The following SORBS2 variants were observed in gnomAD, a reference collection of about 807,000 sequenced individuals.
The protein encoded by SORBS2 is sorbin and SH3 domain containing 2, also known as sorbin and SH3 domain-containing protein 2.
In SORBS2, 46 loss-of-function variants were observed where a neutral mutation model predicts 97.7. The observed-to-expected ratio is 0.47, with a 90% CI of 0.37 to 0.60. The LOEUF is 0.60. SORBS2 is among the 20% of genes least tolerant of loss of function. SORBS2 has a pLI of 0.00. For missense variants in SORBS2, 1,316 were observed against 1,282.3 expected, an observed-to-expected ratio of 1.03 and a Z score of -0.40; for synonymous variants, 476 against 473.4, an observed-to-expected ratio of 1.01 and a Z score of -0.07.
chr4:185,951,799 G>A (rs1344698169), intron 1 of SORBS2, among the ~76,000 whole-genome samples: 2 of 152,312 alleles, frequency 1.3e-5, no homozygotes, highest in African/African-American at 2.4e-5. Context: ...GTAGCTCAGT[G>A]TGCATGCATC....
chr4:185,954,281 A>G (rs2099278577), intron 1 of SORBS2, among the ~76,000 whole-genome samples: 1 of 152,238 alleles, frequency 6.6e-6, no homozygotes, highest in African/African-American at 2.4e-5. Context: ...CCTTTTAAAC[A>G]TAGAAATAAG....
At chr4:185,766,429 T>C (rs1043209642) in intron 2 of SORBS2, among the ~76,000 whole-genome samples, 1 of 152,190 alleles carries the variant, frequency 6.6e-6, no homozygotes, top group African/African-American at 2.4e-5. Context: ...AATACTCTTA[T>C]GGTAAAAAAG....
intron 1 of SORBS2, among the ~76,000 whole-genome samples, chr4:185,907,780 C>T (rs184425305): frequency 7.9e-5 from 12 of 152,210 alleles, no homozygotes; most frequent in East Asian, 7.7e-4. Context: ...CCTTCCTGTG[C>T]GTGTATTTAA....
intron 1 of SORBS2, among the ~76,000 whole-genome samples, chr4:185,937,133 G>A (rs190647978): frequency 1.3e-5 from 2 of 152,232 alleles, no homozygotes; most frequent in East Asian, 1.9e-4. Flanking sequence ...GCTTGAACCC[G>A]ATTTTAAGGA....
chr4:185,817,973 A>G (rs1191150036), intron 1 of SORBS2, among the ~76,000 whole-genome samples: 3 of 152,210 alleles, frequency 2.0e-5, no homozygotes, highest in East Asian at 1.9e-4. Context: ...TTAGGATCCA[A>G]CGGTCCAACA....
At chr4:185,844,659 C>A (rs1234128993) in intron 1 of SORBS2, among the ~76,000 whole-genome samples, 2 of 152,168 alleles carry the variant, frequency 1.3e-5, no homozygotes, top group Admixed American at 1.3e-4. Context: ...TACACCGATG[C>A]TCACAGCGGC....
At chr4:185,782,106 C>A (rs141279134) in intron 1 of SORBS2, among the ~76,000 whole-genome samples, 272 of 152,360 alleles carry the variant, frequency 1.8e-3, no homozygotes, top group African/African-American at 6.0e-3. Context: ...TAAATAAGTT[C>A]TGCCGAAGGC....
intron 1 of SORBS2, among the ~76,000 whole-genome samples, chr4:185,898,733 AG>A (rs1470447775): frequency 1.3e-5 from 2 of 152,240 alleles, no homozygotes; most frequent in African/African-American, 4.8e-5. Flanking sequence ...GCGTCAGTTT[AG>A]CAGGAGGTAA....
At chr4:185,853,981 G>A (rs2099219353) in intron 1 of SORBS2, among the ~76,000 whole-genome samples, 1 of 152,214 alleles carries the variant, frequency 6.6e-6, no homozygotes, top group Non-Finnish European at 1.5e-5. Flanking sequence ...TTTAAGAATA[G>A]TCTCTGAAAT....
chr4:185,869,039 T>C (rs2099228922), intron 1 of SORBS2, among the ~76,000 whole-genome samples: 1 of 152,198 alleles, frequency 6.6e-6, no homozygotes, highest in Non-Finnish European at 1.5e-5. Flanking sequence ...AACTTGCCTT[T>C]GGTGGTGAGC....
Position 185,634,101 on chromosome 4 carries a change from T to C in SORBS2, c.397-3503A>G, listed in dbSNP as rs141737748. Among the ~76,000 whole-genome samples, 1,130 of 152,352 alleles carry C rather than the reference T, an allele frequency of 7.4e-3. 7 individuals are homozygous for C. The highest frequency in any genetic ancestry group is 0.014 in the Middle Eastern group (4 of 294). ...AACTGAATTCAATAACCCAGAATGT[T>C]CCTGATTACTCTATTTTACCTTTTA... On this transcript the variant is annotated intron_variant, in intron 4 of 14. Transcript: ENST00000418609.
chr4:185,740,114 A>C (rs550890315), intron 2 of SORBS2: 1 of 152,744 alleles, frequency 6.5e-6, no homozygotes, highest in South Asian at 2.1e-4. Context: ...AATACCCTTC[A>C]TTTGCTGCAA....
chr4:185,625,795 C>G (rs945890479), intron 6 of SORBS2, among the ~76,000 whole-genome samples: 1 of 152,252 alleles, frequency 6.6e-6, no homozygotes, highest in Non-Finnish European at 1.5e-5. Context: ...CATCCACCTA[C>G]TCAGAGTCCA....
chr4:185,597,412 G>A (rs1171824721), intron 12 of SORBS2, among the ~76,000 whole-genome samples: 1 of 152,020 alleles, frequency 6.6e-6, no homozygotes, highest in Non-Finnish European at 1.5e-5. Context: ...ATTCTCATGT[G>A]TCTCGGTCAC....
intron 3 of SORBS2, 59 bp downstream of exon 12, chr4:185,649,408 A>C: frequency 7.3e-7 from 1 of 1,370,224 alleles, no homozygotes; most frequent in Admixed American, 2.6e-5. Context: ...ACTGAATGCC[A>C]TGTAGACTTA....
intron 4 of SORBS2, among the ~76,000 whole-genome samples, chr4:185,669,861 G>A (rs766712221): frequency 4.9e-4 from 74 of 152,176 alleles, no homozygotes; most frequent in Non-Finnish European, 9.0e-4. Flanking sequence ...GAATAGACAT[G>A]TTTGACAATT....
At chr4:185,936,674 A>C (rs2099269105) in intron 1 of SORBS2, among the ~76,000 whole-genome samples, 1 of 152,146 alleles carries the variant, frequency 6.6e-6, no homozygotes, top group African/African-American at 2.4e-5. Flanking sequence ...CCCAGTTTTG[A>C]GTATTCTGTC....
intron 7 of SORBS2, 132 bp from the exon 20 acceptor site, chr4:185,620,283 A>G: frequency 3.0e-6 from 2 of 676,314 alleles, no homozygotes. Context: ...ACACATGGGC[A>G]TAAAACTCAT....
At chr4:185,834,462 AT>A (rs1392765687) in intron 1 of SORBS2, among the ~76,000 whole-genome samples, 6 of 152,300 alleles carry the variant, frequency 3.9e-5, no homozygotes, top group Middle Eastern at 6.8e-3. Flanking sequence ...GCAAAAAAAA[AT>A]ATACCCTACC....
Sources: gnomAD v4.1 joint callset for allele counts (sites outside exome capture counted in the v4.1 genomes callset) on GRCh38, gnomAD v4.1.1 for gene constraint, MANE v1.5 for transcripts, NCBI Gene and HGNC (gene_info 2026-07-23, HGNC 2026-07-21) for gene names.